The following HPS3 variants were observed in gnomAD, a reference collection of about 807,000 sequenced individuals.
HPS3 encodes BLOC-2 complex member HPS3.
A neutral mutation model predicts 110.9 loss-of-function variants in HPS3; 79 were observed. The observed-to-expected ratio is 0.71, with a 90% CI of 0.59 to 0.86. HPS3 has a LOEUF of 0.86. Ranked by LOEUF, HPS3 falls within the 40% of genes least tolerant of loss-of-function variation. HPS3 has a pLI of 0.00. For synonymous variants in HPS3, 428 were observed against 451.0 expected (o/e 0.95, Z 0.65); for missense variants, 1,197 against 1,206.2 (o/e 0.99, Z 0.11).
At chr3:149,136,320 T>C (rs1722092377) in intron 1 of HPS3, among the ~76,000 whole-genome samples, 2 of 152,050 alleles carry the variant, frequency 1.3e-5, no homozygotes, top group Admixed American at 1.3e-4. Context: ...AGGTGGAGGT[T>C]GCAGTGAGCC....
Position 149,140,273 on chromosome 3 carries a change from T to A in HPS3, c.487T>A (p.Tyr163Asn). Residue 163 changes from tyrosine to asparagine, a missense_variant, in exon 2 of 17, where the codon TAC becomes AAC. Tyr to Asn is a moderately radical substitution (Grantham distance 143, BLOSUM62 -2). Transcript: ENST00000296051. ...TNKLVLFSLK[Y>N]QIINEEFSLL... ...TAAATTAGTCTTATTTAGTTTGAAGTACCAGATCATTAATGAGGAATTCTC... is the reference window on the plus strand; with the variant it reads ...TAAATTAGTCTTATTTAGTTTGAAGAACCAGATCATTAATGAGGAATTCTC... The A allele has an allele frequency of 6.2e-7, 1 of 1,614,184 alleles. No homozygotes were observed. Among genetic ancestry groups the A allele is most frequent in the Non-Finnish European group, 8.5e-7 (1 of 1,179,974 alleles).
At chr3:149,132,866 A>G (rs944591272) in intron 1 of HPS3, among the ~76,000 whole-genome samples, 1 of 152,162 alleles carries the variant, frequency 6.6e-6, no homozygotes, top group South Asian at 2.1e-4. Context: ...GTTGATTCCA[A>G]CTCTCATGGA....
Position 149,150,728 on chromosome 3 carries a change from G to A in HPS3, c.1245+48G>A, listed in dbSNP as rs749251954. On this transcript the variant is annotated intron_variant, in intron 6 of 16. Coordinates refer to ENST00000296051, the MANE Select transcript of HPS3 (RefSeq NM_032383.5). ...AGTGAAACCTTAAGATCACAAGGGA[G>A]CACATGAATACTCGTAGATTTGCTC... The A allele has an allele frequency of 4.3e-6, 6 of 1,396,488 alleles. No homozygotes were observed. In the South Asian group the frequency reaches 5.8e-5, roughly 13 times the overall value. The allele number at this position is 1,396,488 out of a possible 1,614,324, so 86.5% of individuals were successfully genotyped here.
chr3:149,158,575 G>T, intron 9 of HPS3, 91 bp from the exon 10 acceptor site: 1 of 1,186,170 alleles, frequency 8.4e-7, no homozygotes, highest in Non-Finnish European at 1.3e-6. Context: ...ATCACTTGAG[G>T]TCAGGAGTTT....
Position 149,140,405 on chromosome 3 carries a change from TTA to T in HPS3, c.620_621del (p.Leu207TyrfsTer9). ...TGCTGTCATGTCAGACTTAGAAGTC[TTA>T]ATCGTAAAACTGGAGTCAGGCCCTA... ...YVAVMSDLEV[L>X]IVKLESGPKN... On this transcript the variant is annotated frameshift_variant, in exon 2 of 17. Transcript: ENST00000296051. LOFTEE classifies it high-confidence loss of function. 1 of 1,611,480 alleles carries T rather than the reference TTA, an allele frequency of 6.2e-7. No individual in the cohort carries two copies. The highest frequency in any genetic ancestry group is 8.5e-7 in the Non-Finnish European group (1 of 1,178,810).
intron 4 of HPS3, among the ~76,000 whole-genome samples, chr3:149,144,388 A>G (rs570150420): frequency 2.1e-4 from 32 of 152,300 alleles, no homozygotes; most frequent in African/African-American, 7.0e-4. Flanking sequence ...GTCTCAAAAA[A>G]TAAAAATAAA....
intron 1 of HPS3, among the ~76,000 whole-genome samples, chr3:149,136,680 A>G (rs576083244): frequency 6.4e-4 from 98 of 152,346 alleles, no homozygotes; most frequent in African/African-American, 2.3e-3. Flanking sequence ...TAATTGAAGG[A>G]ACTCTAAAGC....
intron 6 of HPS3, among the ~76,000 whole-genome samples, chr3:149,153,247 TCAATAA>T (rs1206505724): frequency 6.6e-6 from 1 of 152,208 alleles, no homozygotes; most frequent in African/African-American, 2.4e-5. Context: ...ATTCAATCAA[TCAATAA>T]CTGAGTTTGT....
intron 15 of HPS3, among the ~76,000 whole-genome samples, 159 bp from the exon 16 acceptor site, chr3:149,167,734 A>G (rs1210996987): frequency 6.6e-6 from 1 of 152,238 alleles, no homozygotes; most frequent in Non-Finnish European, 1.5e-5. Context: ...AAGGCAGAAG[A>G]CTGGCTGCTG....
At chr3:149,145,146 A>G (rs1247147048) in intron 4 of HPS3, among the ~76,000 whole-genome samples, 1 of 152,036 alleles carries the variant, frequency 6.6e-6, no homozygotes, top group South Asian at 2.1e-4. Flanking sequence ...TAGATCTGTT[A>G]ATTTAGTAGG....
intron 10 of HPS3, among the ~76,000 whole-genome samples, chr3:149,159,077 G>A (rs1280780024): frequency 6.6e-6 from 1 of 152,140 alleles, no homozygotes; most frequent in Non-Finnish European, 1.5e-5. Flanking sequence ...GGGACATGTG[G>A]TCTGTTGTAG....
At chr3:149,171,299 A>G (rs1724965227) in intron 16 of HPS3, among the ~76,000 whole-genome samples, 2 of 152,158 alleles carry the variant, frequency 1.3e-5, no homozygotes, top group African/African-American at 4.8e-5. Context: ...TATATTGTTC[A>G]TTAGAACACC....
At chr3:149,167,662 A>G (rs1351983701) in intron 15 of HPS3, among the ~76,000 whole-genome samples, 1 of 152,256 alleles carries the variant, frequency 6.6e-6, no homozygotes, top group South Asian at 2.1e-4. Context: ...AGCCATGTAC[A>G]TATGTACAAT....
At chr3:149,143,955 A>G (rs1241575049) in intron 4 of HPS3, among the ~76,000 whole-genome samples, 1 of 152,190 alleles carries the variant, frequency 6.6e-6, no homozygotes, top group Non-Finnish European at 1.5e-5. Context: ...AACAGCTTCA[A>G]CAGTGTTGCT....
intron 15 of HPS3, 89 bp from the exon 16 acceptor site, chr3:149,167,804 G>C (rs373810569): frequency 1.2e-6 from 1 of 834,856 alleles, no homozygotes; most frequent in Non-Finnish European, 2.1e-6. Flanking sequence ...TTTTTGCTCT[G>C]TGCTTTCCTG....
In HPS3 at chr3:149,140,170, T is replaced by C. The variant is rs1722349260; in HGVS notation, c.384T>C (p.Ile128=). The change falls in exon 2 of 17, where the codon ATT becomes ATC. Residue 128 remains isoleucine (I), a synonymous_variant. Coordinates refer to ENST00000296051, the MANE Select transcript of HPS3 (RefSeq NM_032383.5). ...SKAFRDQMYI[I]EMPLSEAPLC... The stretch of plus-strand genomic sequence containing the variant: ...CCTTCAGAGACCAGATGTACATTAT[T>C]GAAATGCCGCTTTCGGAGGCCCCCT... 6.2e-7 allele frequency: 1 copy of C among 1,614,090 alleles called. No individual in the cohort carries two copies. Among genetic ancestry groups the C allele is most frequent in the African/African-American group, 1.3e-5 (1 of 74,932 alleles).
intron 4 of HPS3, among the ~76,000 whole-genome samples, chr3:149,145,033 T>C (rs777164482): frequency 1.1e-4 from 16 of 152,322 alleles, no homozygotes; most frequent in Non-Finnish European, 1.5e-4. Context: ...TCAGGCTTGC[T>C]CAGATTATTT....
intron 6 of HPS3, among the ~76,000 whole-genome samples, chr3:149,153,066 G>C (rs1188657895): frequency 6.6e-6 from 1 of 152,146 alleles, no homozygotes; most frequent in Non-Finnish European, 1.5e-5. Flanking sequence ...CTTTCATAGT[G>C]TCTGGTTTTT....
At chr3:149,150,246 G>A (rs1242818467) in intron 5 of HPS3, among the ~76,000 whole-genome samples, 1 of 152,106 alleles carries the variant, frequency 6.6e-6, no homozygotes, top group East Asian at 1.9e-4. Flanking sequence ...GCAGGTACTG[G>A]GGGCATCATT....
Sources: gnomAD v4.1 joint callset for allele counts (sites outside exome capture counted in the v4.1 genomes callset) on GRCh38, gnomAD v4.1.1 for gene constraint, MANE v1.5 for transcripts, NCBI Gene and HGNC (gene_info 2026-07-23, HGNC 2026-07-21) for gene names.